TIAM1: variants seen among roughly 807,000 people sequenced by gnomAD.
TIAM1 encodes the protein rho guanine nucleotide exchange factor TIAM1.
Under a neutral mutation model 163.5 loss-of-function variants are expected in TIAM1, and 65 were observed. The ratio of observed to expected loss-of-function variants is 0.40; its 90% CI spans 0.33 to 0.49. The LOEUF is 0.49. Ranked by LOEUF, TIAM1 falls within the 20% of genes least tolerant of loss-of-function variation. The probability of loss-of-function intolerance (pLI) is 0.77; values close to 1 mark genes in which losing one functional copy is unlikely to be tolerated. For synonymous variants in TIAM1, 833 were observed against 810.1 expected, an observed-to-expected ratio of 1.03 and a Z score of -0.48; for missense variants, 1,789 against 2,044.7, an observed-to-expected ratio of 0.87 and a Z score of 2.41.
At chr21:31,490,848 C>G (rs1197336471) in intron 1 of TIAM1, among the ~76,000 whole-genome samples, 1 of 152,182 alleles carries the variant, frequency 6.6e-6, no homozygotes, top group Non-Finnish European at 1.5e-5. Context: ...AAGGATTGGC[C>G]GAGCGTGGTG....
At chr21:31,206,909 T>G (rs2284486) in intron 11 of TIAM1, among the ~76,000 whole-genome samples, 1 of 150,916 alleles carries the variant, frequency 6.6e-6, no homozygotes, top group East Asian at 1.9e-4. Context: ...AATGCAAACA[T>G]GTAGTCACTG....
chr21:31,351,028 C>T (rs891025695), intron 2 of TIAM1, among the ~76,000 whole-genome samples: 2 of 152,206 alleles, frequency 1.3e-5, no homozygotes, highest in Non-Finnish European at 2.9e-5. Flanking sequence ...TTCCCTTCCA[C>T]TAACATAGGC....
intron 12 of TIAM1, among the ~76,000 whole-genome samples, chr21:31,196,617 G>T (rs2085874138): frequency 6.6e-6 from 1 of 152,022 alleles, no homozygotes; most frequent in South Asian, 2.1e-4. Flanking sequence ...ACCATGCCCG[G>T]CTGAGAAGGA....
intron 2 of TIAM1, among the ~76,000 whole-genome samples, chr21:31,451,183 TC>T (rs1376933357): frequency 2.6e-5 from 4 of 151,834 alleles, no homozygotes; most frequent in Non-Finnish European, 5.9e-5. Flanking sequence ...CCAGCATAAA[TC>T]AGGCCCAGAG....
intron 12 of TIAM1, among the ~76,000 whole-genome samples, chr21:31,200,523 ATT>A (rs2086143240): frequency 6.6e-6 from 1 of 152,176 alleles, no homozygotes; most frequent in Non-Finnish European, 1.5e-5. Flanking sequence ...TCAAAATATT[ATT>A]TATGCTCATC....
At position 31,396,928 on chromosome 21, in the gene TIAM1, G is replaced by A. The variant is rs536934469; in HGVS notation, c.-368-57506C>T. On this transcript the variant is annotated intron_variant, in intron 2 of 28. Transcript: ENST00000286827. ...CGCGCCACTGCACTCCAGCCTGGGC[G>A]ACAGAGTGAGACTCCGTCACACACA... Among the ~76,000 whole-genome samples the A allele has an allele frequency of 3.3e-5, 5 of 152,124 alleles. No homozygotes were observed. The East Asian group carries it at 5.8e-4, about 18-fold the overall frequency.
At chr21:31,123,069 G>T (rs754488081) in intron 27 of TIAM1, among the ~76,000 whole-genome samples, 3 of 152,218 alleles carry the variant, frequency 2.0e-5, no homozygotes, top group African/African-American at 7.2e-5. Flanking sequence ...TGACATCAAG[G>T]CTTTCTCTTG....
rs569541703 is a variant in TIAM1, at chr21:31,458,018, G to A, written c.-369+5965C>T. On this transcript the variant is annotated intron_variant, in intron 2 of 28. Coordinates refer to the TIAM1 transcript ENST00000286827. ...GTCCCCTTGTTACCCAACTAAAACT[G>A]TACTAGACCAGGGGACTAGGGAGGC... is the stretch of plus-strand genomic sequence containing the variant. 3.3e-5 allele frequency among the ~76,000 whole-genome samples: 5 copies of A among 152,290 alleles called. No individual in the cohort carries two copies. In the East Asian group the frequency reaches 9.6e-4, roughly 29 times the overall value.
intron 2 of TIAM1, among the ~76,000 whole-genome samples, chr21:31,406,706 A>G (rs942134467): frequency 2.0e-5 from 3 of 152,220 alleles, no homozygotes. Flanking sequence ...CAGAGCTCTC[A>G]GCCCTGTAGG....
At chr21:31,332,469 T>C (rs2075705987) in intron 2 of TIAM1, among the ~76,000 whole-genome samples, 1 of 152,180 alleles carries the variant, frequency 6.6e-6, no homozygotes, top group African/African-American at 2.4e-5. Flanking sequence ...TCTCCTGACC[T>C]CTTTCTAGCC....
chr21:31,533,183 T>C (rs569981613), intron 1 of TIAM1, among the ~76,000 whole-genome samples: 3 of 152,138 alleles, frequency 2.0e-5, no homozygotes, highest in African/African-American at 4.8e-5. Flanking sequence ...TAGCCAGGCA[T>C]GGTGGCACGC....
chr21:31,473,383 T>G (rs1202319464), intron 1 of TIAM1, among the ~76,000 whole-genome samples: 3 of 129,720 alleles, frequency 2.3e-5, no homozygotes, highest in Admixed American at 9.8e-5. Context: ...TGAGCCGTGA[T>G]CGTGCCACTG....
In TIAM1 at chr21:31,178,542, G is replaced by A. The variant is rs111316114; in HGVS notation, c.2887+3879C>T. On this transcript the variant is annotated intron_variant, in intron 15 of 27. Coordinates refer to ENST00000541036, the MANE Select transcript of TIAM1 (RefSeq NM_001353694.2). ...AGGATGGTCTCGATCTCCTGACCTC[G>A]TGATCTGCCTGCCTCGGCCTCCCGA... 2.3e-3 allele frequency among the ~76,000 whole-genome samples: 356 copies of A among 152,082 alleles called. 1 individual carries two copies. Among genetic ancestry groups the A allele is most frequent in the Middle Eastern group, 0.017 (5 of 292 alleles).
chr21:31,492,717 A>G (rs7280179), intron 1 of TIAM1, among the ~76,000 whole-genome samples: 43,549 of 150,746 alleles, frequency 0.29, 7,472 homozygotes, highest in African/African-American at 0.48. Flanking sequence ...TCATGGGCAC[A>G]CTGTTAATCT....
At chr21:31,432,345 C>T (rs1009622016) in intron 2 of TIAM1, among the ~76,000 whole-genome samples, 12 of 152,084 alleles carry the variant, frequency 7.9e-5, no homozygotes, top group Non-Finnish European at 1.2e-4. Flanking sequence ...ATGATCTGCC[C>T]GCCTCAGGCT....
At chr21:31,308,214 G>A (rs1329275516) in intron 2 of TIAM1, among the ~76,000 whole-genome samples, 1 of 152,100 alleles carries the variant, frequency 6.6e-6, no homozygotes, top group Non-Finnish European at 1.5e-5. Flanking sequence ...TCGCGCCACT[G>A]CACTCCAGCC....
chr21:31,245,256 C>T (rs1216817900), intron 6 of TIAM1, among the ~76,000 whole-genome samples: 4 of 151,836 alleles, frequency 2.6e-5, no homozygotes, highest in Non-Finnish European at 4.4e-5. Flanking sequence ...CATAGCCCTC[C>T]TTAGCCTTCA....
intron 9 of TIAM1, among the ~76,000 whole-genome samples, chr21:31,215,259 A>G (rs2087116691): frequency 6.6e-6 from 1 of 152,102 alleles, no homozygotes. Context: ...CTCAGGGCAG[A>G]AGACACATAC....
intron 2 of TIAM1, among the ~76,000 whole-genome samples, chr21:31,301,918 TAATA>T (rs1201470580): frequency 6.7e-5 from 10 of 149,284 alleles, no homozygotes; most frequent in African/African-American, 1.2e-4. Context: ...TATATACGTG[TAATA>T]AATAAAATAT....
Sources: gnomAD v4.1 joint callset for allele counts (sites outside exome capture counted in the v4.1 genomes callset) on GRCh38, gnomAD v4.1.1 for gene constraint, MANE v1.5 for transcripts, NCBI Gene and HGNC (gene_info 2026-07-23, HGNC 2026-07-21) for gene names.